Variants in SOCS6 observed in about 807,000 individuals in gnomAD.
SOCS6 encodes the protein suppressor of cytokine signaling 6, also known as STAT induced STAT inhibitor-4.
In SOCS6, 5 loss-of-function variants were observed where a neutral mutation model predicts 27.7. That is an observed-to-expected ratio of 0.18 (90% CI 0.09 to 0.38). The LOEUF (loss-of-function observed/expected upper bound fraction) is 0.38. SOCS6 is among the 10% of genes least tolerant of loss of function. The pLI is 1.00. For missense variants in SOCS6, 595 were observed against 688.1 expected (o/e 0.86, Z 1.51); for synonymous variants, 271 against 260.0 (o/e 1.04, Z -0.41).
rs532045519 is a variant in SOCS6, at chr18:70,319,890, A to T, written c.-126-4653A>T. Among the ~76,000 whole-genome samples the T allele has an allele frequency of 9.8e-5, 15 of 152,320 alleles. 1 individual carries two copies. The East Asian group carries it at 1.7e-3, about 18-fold the overall frequency. ...AAACAACGATCGACAGACACACATG[A>T]TTATTCCATGTGTTTTAACAGATAT... On this transcript the variant is annotated intron_variant, in intron 1 of 1. Transcript: ENST00000397942.
At chr18:70,300,157 C>A (rs2062342016) in intron 1 of SOCS6, among the ~76,000 whole-genome samples, 1 of 151,578 alleles carries the variant, frequency 6.6e-6, no homozygotes, top group Non-Finnish European at 1.5e-5. Flanking sequence ...AAGACTTAGT[C>A]TCTCTCTCGC....
chr18:70,313,281 A>G (rs993948345), intron 1 of SOCS6, among the ~76,000 whole-genome samples: 1 of 152,088 alleles, frequency 6.6e-6, no homozygotes, highest in Non-Finnish European at 1.5e-5. Flanking sequence ...ACTGATTTCT[A>G]ACAGCACAGT....
Position 70,326,420 on chromosome 18 carries a change from GGTGGGGAA to G in SOCS6, c.*148_*155del, listed in dbSNP as rs1199239866. The stretch of plus-strand genomic sequence containing the variant: ...TAAAAGAGTCATCAGTTTGTTTAGG[GGTGGGGAA>G]GTGTCAGCAAGGTGTCTTGGGTTTA... On this transcript the variant is annotated 3_prime_UTR_variant, in exon 2 of 2. Transcript: ENST00000397942. 1.4e-6 allele frequency: 1 copy of G among 733,714 alleles called. No individual in the cohort carries two copies. The highest frequency in any genetic ancestry group is 2.2e-6 in the Non-Finnish European group (1 of 449,440). 45.5% of individuals were successfully genotyped at this position (733,714 alleles called of 1,614,324 possible).
chr18:70,300,115 A>G (rs1250016529), intron 1 of SOCS6, among the ~76,000 whole-genome samples: 1 of 152,064 alleles, frequency 6.6e-6, no homozygotes, highest in Non-Finnish European at 1.5e-5. Flanking sequence ...GTGTGCAGTC[A>G]TTTAATCAAT....
chr18:70,322,570 G>A (rs771403617), intron 1 of SOCS6, among the ~76,000 whole-genome samples: 1 of 152,194 alleles, frequency 6.6e-6, no homozygotes, highest in Admixed American at 6.5e-5. Flanking sequence ...GGGTTAATCA[G>A]TTACTGATTC....
At chr18:70,301,821 C>G (rs1396284135) in intron 1 of SOCS6, among the ~76,000 whole-genome samples, 4 of 152,064 alleles carry the variant, frequency 2.6e-5, no homozygotes, top group African/African-American at 9.7e-5. Context: ...GTGTGGTGTG[C>G]TGAGCAAAGA....
intron 1 of SOCS6, among the ~76,000 whole-genome samples, chr18:70,292,230 T>C (rs1217364121): frequency 6.6e-6 from 1 of 152,254 alleles, no homozygotes; most frequent in African/African-American, 2.4e-5. Flanking sequence ...ATTTACCCGC[T>C]CTGTCACGTT....
chr18:70,316,090 TC>T, intron 1 of SOCS6, among the ~76,000 whole-genome samples: 1 of 151,826 alleles, frequency 6.6e-6, no homozygotes, highest in African/African-American at 2.4e-5. Flanking sequence ...CCTCAAGTGA[TC>T]CGCCCGCCTC....
chr18:70,311,414 G>A (rs1400796729), intron 1 of SOCS6, among the ~76,000 whole-genome samples: 1 of 152,118 alleles, frequency 6.6e-6, no homozygotes, highest in Non-Finnish European at 1.5e-5. Flanking sequence ...TATACCTTTG[G>A]CCCTGAGAGC....
rs59769890 is a variant in SOCS6 at position 70,314,865 on chromosome 18, G to GTATATA, written c.-126-9662_-126-9657dup. ...CTTCATTACAGCTCTGATTTTGTGT[G>GTATATA]TATATATATATATATATATATGTCT... On this transcript the variant is annotated intron_variant, in intron 1 of 1. Coordinates refer to ENST00000397942, the MANE Select transcript of SOCS6 (RefSeq NM_004232.4). 4.6e-3 allele frequency among the ~76,000 whole-genome samples: 692 copies of GTATATA among 150,250 alleles called. 7 individuals carry two copies. The highest frequency in any genetic ancestry group is 0.014 in the Middle Eastern group (4 of 288).
At chr18:70,322,100 T>G (rs530271909) in intron 1 of SOCS6, among the ~76,000 whole-genome samples, 24 of 152,326 alleles carry the variant, frequency 1.6e-4, no homozygotes, top group African/African-American at 5.8e-4. Flanking sequence ...AAAGTTTATG[T>G]CTAAAGCTTT....
Position 70,326,098 on chromosome 18 carries a change from T to C in SOCS6, c.1430T>C (p.Leu477Pro). The change falls in exon 2 of 2, where the codon CTG becomes CCG. Residue 477 changes from leucine to proline, a missense_variant. By Grantham distance (98) the Leu-to-Pro change is moderately conservative. Transcript: ENST00000397942. ...NGAFCYSRSR[L>P]PGSATYPVRL... ...GCTTTTTGTTATTCAAGGTCTCGGC[T>C]GCCTGGATCTGCAACTTACCCCGTC... The C allele has an allele frequency of 6.2e-7, 1 of 1,614,238 alleles. No individual in the cohort carries two copies. Among genetic ancestry groups the C allele is most frequent in the Non-Finnish European group, 8.5e-7 (1 of 1,180,048 alleles).
chr18:70,315,187 GTATCAGT>G (rs1423512223), intron 1 of SOCS6, among the ~76,000 whole-genome samples: 2 of 151,938 alleles, frequency 1.3e-5, no homozygotes, highest in Admixed American at 6.6e-5. Flanking sequence ...TCAAATTTTG[GTATCAGT>G]ATACTTTTGA....
intron 1 of SOCS6, among the ~76,000 whole-genome samples, chr18:70,302,656 T>C (rs1261714946): frequency 6.6e-6 from 1 of 152,040 alleles, no homozygotes; most frequent in Non-Finnish European, 1.5e-5. Flanking sequence ...TTGTGGAATA[T>C]AAGCTGAGTA....
intron 1 of SOCS6, among the ~76,000 whole-genome samples, chr18:70,308,022 T>C (rs4891398): frequency 0.45 from 68,848 of 152,086 alleles, 16,298 homozygotes; most frequent in East Asian, 0.76. Flanking sequence ...GTTTTGTTTT[T>C]ATTCTGTTCA....
intron 1 of SOCS6, among the ~76,000 whole-genome samples, chr18:70,318,867 C>G (rs1255029827): frequency 6.6e-6 from 1 of 151,656 alleles, no homozygotes; most frequent in Non-Finnish European, 1.5e-5. Flanking sequence ...AACTGAGAGA[C>G]AGAGGTTTCA....
At chr18:70,307,437 A>G (rs2062374039) in intron 1 of SOCS6, among the ~76,000 whole-genome samples, 1 of 152,132 alleles carries the variant, frequency 6.6e-6, no homozygotes, top group South Asian at 2.1e-4. Context: ...TTAATTGTTT[A>G]AATCTTTAGT....
intron 1 of SOCS6, among the ~76,000 whole-genome samples, chr18:70,313,978 G>T (rs1158514922): frequency 6.6e-6 from 1 of 152,126 alleles, no homozygotes; most frequent in East Asian, 1.9e-4. Flanking sequence ...ATTCTCTGAG[G>T]AGTTTTAAAG....
At chr18:70,306,638 C>T (rs2062370962) in intron 1 of SOCS6, among the ~76,000 whole-genome samples, 1 of 152,006 alleles carries the variant, frequency 6.6e-6, no homozygotes, top group South Asian at 2.1e-4. Flanking sequence ...GGGGTGAGCG[C>T]AAATGTCCTT....
Sources: allele counts gnomAD v4.1 joint callset (sites outside exome capture counted in the v4.1 genomes callset), GRCh38; gene constraint gnomAD v4.1.1; transcripts MANE v1.5; gene names NCBI Gene and HGNC (gene_info 2026-07-23, HGNC 2026-07-21).